The following ASIC2 variants were observed in gnomAD, a reference collection of about 807,000 sequenced individuals.
ASIC2 encodes acid-sensing ion channel 2.
ASIC2 carries 25 observed loss-of-function variants against 57.3 expected under a neutral mutation model. The observed-to-expected ratio is 0.44, with a 90% CI of 0.32 to 0.61. ASIC2 has a LOEUF of 0.61. Ranked by LOEUF, ASIC2 falls within the 20% of genes least tolerant of loss-of-function variation. ASIC2 has a pLI of 0.06. For missense variants in ASIC2, 641 were observed against 738.1 expected (o/e 0.87, Z 1.52); for synonymous variants, 319 against 307.5 (o/e 1.04, Z -0.39).
At chr17:33,718,301 A>G (rs1333525621) in intron 1 of ASIC2, among the ~76,000 whole-genome samples, 1 of 152,170 alleles carries the variant, frequency 6.6e-6, no homozygotes, top group Non-Finnish European at 1.5e-5. Context: ...ATCGACAGGT[A>G]TATTAAGATG....
chr17:34,030,742 G>A (rs971888520), intron 1 of ASIC2, among the ~76,000 whole-genome samples: 14 of 152,298 alleles, frequency 9.2e-5, no homozygotes, highest in Admixed American at 4.6e-4. Flanking sequence ...CTATGCCCAC[G>A]GAGTCTTGCT....
chr17:34,084,320 G>A (rs1483618521), intron 1 of ASIC2, among the ~76,000 whole-genome samples: 5 of 152,178 alleles, frequency 3.3e-5, no homozygotes, highest in Non-Finnish European at 7.3e-5. Flanking sequence ...CCCATTGCTT[G>A]TTTCTGTCAG....
intron 1 of ASIC2, among the ~76,000 whole-genome samples, chr17:33,898,129 A>G (rs1054244720): frequency 3.3e-5 from 5 of 150,498 alleles, no homozygotes; most frequent in Non-Finnish European, 7.4e-5. Flanking sequence ...TGCTCTGCCC[A>G]TATTTCTTTC....
At chr17:33,728,286 T>A (rs1909627479) in intron 1 of ASIC2, among the ~76,000 whole-genome samples, 1 of 152,164 alleles carries the variant, frequency 6.6e-6, no homozygotes, top group African/African-American at 2.4e-5. Flanking sequence ...GGACACGTTC[T>A]ACAGCATAAG....
intron 2 of ASIC2, among the ~76,000 whole-genome samples, chr17:33,098,000 C>A (rs1014181438): frequency 3.3e-5 from 5 of 152,180 alleles, no homozygotes; most frequent in African/African-American, 1.2e-4. Flanking sequence ...CTTAGTCCCA[C>A]TACTGAGACC....
At chr17:33,312,342 C>T (rs1264495847) in intron 1 of ASIC2, among the ~76,000 whole-genome samples, 1 of 152,194 alleles carries the variant, frequency 6.6e-6, no homozygotes, top group Non-Finnish European at 1.5e-5. Context: ...GTCCAGGTTT[C>T]TCTGTAATGA....
At chr17:33,686,219 G>A (rs370868421) in intron 1 of ASIC2, among the ~76,000 whole-genome samples, 84 of 152,190 alleles carry the variant, frequency 5.5e-4, no homozygotes, top group African/African-American at 1.9e-3. Context: ...TGCAAGTACC[G>A]GCACAGGTAG....
chr17:33,740,983 CT>C (rs1910094947), intron 1 of ASIC2, among the ~76,000 whole-genome samples: 1 of 152,186 alleles, frequency 6.6e-6, no homozygotes, highest in Non-Finnish European at 1.5e-5. Context: ...TTAAGAGACT[CT>C]CTCGGCTATT....
chr17:34,140,227 G>A (rs986794424), intron 1 of ASIC2, among the ~76,000 whole-genome samples: 3 of 152,110 alleles, frequency 2.0e-5, no homozygotes, highest in Admixed American at 6.5e-5. Flanking sequence ...CAAGAGAATT[G>A]AGTGTAAGTA....
intron 1 of ASIC2, among the ~76,000 whole-genome samples, chr17:33,247,846 C>A (rs1314151636): frequency 6.6e-6 from 1 of 152,142 alleles, no homozygotes; most frequent in Non-Finnish European, 1.5e-5. Context: ...GCTTTAGGTA[C>A]TTGGAATAAA....
At chr17:33,864,433 C>G in intron 1 of ASIC2, among the ~76,000 whole-genome samples, 1 of 152,180 alleles carries the variant, frequency 6.6e-6, no homozygotes, top group East Asian at 1.9e-4. Flanking sequence ...GCAGGTGAAA[C>G]AGGGGCCCCG....
intron 1 of ASIC2, among the ~76,000 whole-genome samples, chr17:34,045,474 A>C (rs9912193): frequency 0.51 from 78,198 of 152,062 alleles, 23,342 homozygotes; most frequent in African/African-American, 0.84. Context: ...TTTGGGTTCA[A>C]TGATTTTCAG....
chr17:34,039,088 C>A (rs1022102934), intron 1 of ASIC2: 8 of 1,614,096 alleles, frequency 5.0e-6, no homozygotes, highest in Non-Finnish European at 6.8e-6. Context: ...TCTATTTAAT[C>A]GTTCCTTGTA....
chr17:33,662,374 A>G lies in ASIC2; in HGVS notation c.555+493604T>C, dbSNP rs559870349. Among the ~76,000 whole-genome samples the G allele has an allele frequency of 3.9e-5, 6 of 152,196 alleles. 1 individual carries two copies. The South Asian group carries it at 1.2e-3, about 32-fold the overall frequency. On this transcript the variant is annotated intron_variant, in intron 1 of 9. Coordinates refer to the ASIC2 transcript ENST00000359872. ...GGTGGCTCACGCTTGTAATTTCAGC[A>G]CTTTGGGAGACCGAGGTGGACAGAT...
intron 1 of ASIC2, among the ~76,000 whole-genome samples, chr17:33,150,777 G>A (rs1904756343): frequency 1.3e-5 from 1 of 79,952 alleles, no homozygotes; most frequent in African/African-American, 5.9e-5. Context: ...GTGAACCCGG[G>A]AGGCGGAGCT....
chr17:33,068,225 C>T (rs2092052023), intron 3 of ASIC2, among the ~76,000 whole-genome samples: 1 of 152,204 alleles, frequency 6.6e-6, no homozygotes, highest in Non-Finnish European at 1.5e-5. Context: ...GAAAGTCTCA[C>T]TTCCCCAAAG....
intron 1 of ASIC2, among the ~76,000 whole-genome samples, chr17:33,442,946 C>T (rs1911876883): frequency 6.6e-6 from 1 of 152,118 alleles, no homozygotes; most frequent in Non-Finnish European, 1.5e-5. Context: ...CAAGAAAGTT[C>T]CCTACTATTC....
At chr17:33,836,981 A>G (rs1454768633) in intron 1 of ASIC2, among the ~76,000 whole-genome samples, 1 of 152,246 alleles carries the variant, frequency 6.6e-6, no homozygotes, top group Non-Finnish European at 1.5e-5. Flanking sequence ...TGGTTGTCCA[A>G]CAGTTATGCC....
chr17:33,218,660 A>G (rs1053320702), intron 1 of ASIC2, among the ~76,000 whole-genome samples: 6 of 152,114 alleles, frequency 3.9e-5, no homozygotes, highest in Non-Finnish European at 8.8e-5. Flanking sequence ...GCATGACTCT[A>G]TCCTATGGTT....
Sources: allele counts gnomAD v4.1 joint callset (sites outside exome capture counted in the v4.1 genomes callset), GRCh38; gene constraint gnomAD v4.1.1; transcripts MANE v1.5; gene names NCBI Gene and HGNC (gene_info 2026-07-23, HGNC 2026-07-21).